The following ADCY8 variants were observed in gnomAD, a reference collection of about 807,000 sequenced individuals.
ADCY8 encodes the protein adenylate cyclase type 8.
Under a neutral mutation model 119.7 loss-of-function variants are expected in ADCY8, and 51 were observed. That is an observed-to-expected ratio of 0.43 (90% CI 0.34 to 0.54). ADCY8 has a LOEUF of 0.54. Among genes scored for constraint, ADCY8 ranks in the 20% least tolerant of loss-of-function variants. The pLI is 0.03. For synonymous variants in ADCY8, 665 were observed against 651.0 expected (o/e 1.02, Z -0.33); for missense variants, 1,383 against 1,598.8 (o/e 0.87, Z 2.30).
chr8:130,804,972 C>T (rs1181499140), intron 14 of ADCY8, among the ~76,000 whole-genome samples: 1 of 152,172 alleles, frequency 6.6e-6, no homozygotes, highest in Non-Finnish European at 1.5e-5. Context: ...GTCTTGAACT[C>T]CTGGCCTCCA....
chr8:130,925,629 G>A (rs2130595322), intron 5 of ADCY8, among the ~76,000 whole-genome samples: 1 of 152,218 alleles, frequency 6.6e-6, no homozygotes, highest in East Asian at 1.9e-4. Context: ...CACTCTTTCA[G>A]GGAAGCTTTG....
chr8:130,897,395 C>T (rs1336058602), intron 7 of ADCY8, among the ~76,000 whole-genome samples: 1 of 152,062 alleles, frequency 6.6e-6, no homozygotes, highest in Non-Finnish European at 1.5e-5. Flanking sequence ...CTTCACATTT[C>T]CTTTTCTTCT....
chr8:130,882,392 A>G (rs771170471), intron 8 of ADCY8, among the ~76,000 whole-genome samples: 4 of 152,096 alleles, frequency 2.6e-5, no homozygotes, highest in Non-Finnish European at 5.9e-5. Flanking sequence ...ATGGCTCTAG[A>G]ACCCTTTCCT....
intron 5 of ADCY8, among the ~76,000 whole-genome samples, chr8:130,912,860 TA>T (rs1306248630): frequency 3.3e-5 from 5 of 152,090 alleles, no homozygotes; most frequent in African/African-American, 4.8e-5. Context: ...AGGAGCCATT[TA>T]AAAAAAATTG....
At chr8:130,788,808 T>G (rs1815337956) in intron 15 of ADCY8, among the ~76,000 whole-genome samples, 1 of 152,120 alleles carries the variant, frequency 6.6e-6, no homozygotes, top group African/African-American at 2.4e-5. Flanking sequence ...ATTTGCAAAT[T>G]TATTTGCACC....
At chr8:130,917,291 A>G (rs969303307) in intron 5 of ADCY8, among the ~76,000 whole-genome samples, 1 of 152,190 alleles carries the variant, frequency 6.6e-6, no homozygotes, top group African/African-American at 2.4e-5. Flanking sequence ...AGTGACCCAA[A>G]CAGACAGATC....
At chr8:130,924,631 T>C (rs7459733) in intron 5 of ADCY8, among the ~76,000 whole-genome samples, 43,908 of 152,014 alleles carry the variant, frequency 0.29, 7,159 homozygotes, top group East Asian at 0.56. Flanking sequence ...CTGGATGCAA[T>C]AGGGGTCCAG....
chr8:130,960,652 AGAGCATG>A (rs1222056547), intron 2 of ADCY8, among the ~76,000 whole-genome samples: 1 of 152,154 alleles, frequency 6.6e-6, no homozygotes, highest in African/African-American at 2.4e-5. Flanking sequence ...CAATAAAAAC[AGAGCATG>A]GATGGGCTAG....
chr8:130,807,297 C>T (rs1464702687), intron 14 of ADCY8, among the ~76,000 whole-genome samples: 1 of 152,214 alleles, frequency 6.6e-6, no homozygotes, highest in Non-Finnish European at 1.5e-5. Flanking sequence ...ACTTGCAAAC[C>T]TTATTAGCAT....
At chr8:130,964,112 G>T (rs1211957630) in intron 2 of ADCY8, among the ~76,000 whole-genome samples, 1 of 152,152 alleles carries the variant, frequency 6.6e-6, no homozygotes, top group Admixed American at 6.5e-5. Context: ...ATGTAGACCT[G>T]CATCCTTCTG....
intron 1 of ADCY8, among the ~76,000 whole-genome samples, chr8:130,991,105 A>C (rs1822563778): frequency 1.3e-5 from 2 of 152,322 alleles, no homozygotes; most frequent in African/African-American, 4.8e-5. Flanking sequence ...ATTTCTAGGC[A>C]TCAAAATATG....
chr8:130,804,786 G>T (rs1815891568), intron 14 of ADCY8, among the ~76,000 whole-genome samples: 1 of 152,078 alleles, frequency 6.6e-6, no homozygotes. Flanking sequence ...TCACTCTATT[G>T]CCCAGGCTGG....
At chr8:130,879,242 C>T (rs1818679443) in intron 8 of ADCY8, among the ~76,000 whole-genome samples, 1 of 152,108 alleles carries the variant, frequency 6.6e-6, no homozygotes, top group East Asian at 1.9e-4. Flanking sequence ...GATAAGTGAT[C>T]CCACAAAAGG....
chr8:130,928,957 A>G (rs1275460523), intron 5 of ADCY8, among the ~76,000 whole-genome samples: 3 of 152,132 alleles, frequency 2.0e-5, no homozygotes, highest in African/African-American at 7.2e-5. Context: ...TACTGACTCA[A>G]TCTCCTTACT....
chr8:130,918,783 C>T (rs539145436), intron 5 of ADCY8, among the ~76,000 whole-genome samples: 10 of 152,282 alleles, frequency 6.6e-5, no homozygotes, highest in South Asian at 6.2e-4. Flanking sequence ...GTATCCTGGC[C>T]GGGCACGGTG....
intron 15 of ADCY8, among the ~76,000 whole-genome samples, chr8:130,793,357 A>C (rs11776881): frequency 0.35 from 53,433 of 152,040 alleles, 10,055 homozygotes; most frequent in African/African-American, 0.46. Flanking sequence ...ACACCAGGAA[A>C]GTCCTGGGTA....
Position 130,961,575 on chromosome 8 carries a change from T to C in ADCY8, c.1111-9577A>G, listed in dbSNP as rs926733871. ...TGTTCTTTCCTTTGAGAGGTCTATG[T>C]ACTGTTGCCCTGCAACACAGAATCT... On this transcript the variant is annotated intron_variant, in intron 2 of 17. Transcript: ENST00000286355. Among the ~76,000 whole-genome samples the C allele has an allele frequency of 2.6e-5, 4 of 152,206 alleles. No individual in the cohort carries two copies. The East Asian group carries it at 7.7e-4, about 29-fold the overall frequency.
At chr8:130,949,665 A>G (rs1821214384) in intron 3 of ADCY8, 1 of 152,154 alleles carries the variant, frequency 6.6e-6, no homozygotes, top group Admixed American at 6.5e-5. Context: ...AAGAAGAATC[A>G]TCATCTCTTC....
At chr8:131,009,293 T>G (rs2130776966) in intron 1 of ADCY8, among the ~76,000 whole-genome samples, 1 of 152,308 alleles carries the variant, frequency 6.6e-6, no homozygotes, top group East Asian at 1.9e-4. Context: ...GCCTCAGGAC[T>G]TGGCGCTCTG....
Sources: allele counts gnomAD v4.1 joint callset (sites outside exome capture counted in the v4.1 genomes callset), GRCh38; gene constraint gnomAD v4.1.1; transcripts MANE v1.5; gene names NCBI Gene and HGNC (gene_info 2026-07-23, HGNC 2026-07-21).